CDK13: variants seen among roughly 807,000 people sequenced by gnomAD.
The protein encoded by CDK13 is cyclin dependent kinase 13.
In CDK13, 40 loss-of-function variants were observed where a neutral mutation model predicts 137.6. The ratio of observed to expected loss-of-function variants is 0.29; its 90% CI spans 0.23 to 0.38. CDK13 has a LOEUF of 0.38. Among genes scored for constraint, CDK13 ranks in the 10% least tolerant of loss-of-function variants. CDK13 has a pLI of 1.00. For missense variants in CDK13, 1,704 were observed against 1,951.8 expected (o/e 0.87, Z 2.39); for synonymous variants, 869 against 760.1 (o/e 1.14, Z -2.36).
intron 3 of CDK13, 21 bp downstream of exon 3, chr7:39,997,685 T>C (rs1451734383): frequency 6.3e-7 from 1 of 1,585,916 alleles, no homozygotes; most frequent in South Asian, 1.1e-5. Flanking sequence ...GCTTTCTACC[T>C]GCTCTTAAAT....
At chr7:40,094,024 G>A in intron 13 of CDK13, 106 bp from the exon 14 acceptor site, 12 of 1,319,692 alleles carry the variant, frequency 9.1e-6, no homozygotes, top group Non-Finnish European at 1.2e-5. Flanking sequence ...TGCCAGAGAT[G>A]GAACTTCTAA....
intron 1 of CDK13, among the ~76,000 whole-genome samples, chr7:39,976,495 A>G (rs951291467): frequency 2.6e-5 from 4 of 151,976 alleles, no homozygotes; most frequent in Non-Finnish European, 4.4e-5. Flanking sequence ...TTGGTTGCAC[A>G]TGAGGAGCAA....
chr7:40,046,477 T>G (rs1267096488), intron 6 of CDK13, among the ~76,000 whole-genome samples: 1 of 150,748 alleles, frequency 6.6e-6, no homozygotes, highest in African/African-American at 2.4e-5. Context: ...AAACCCTGTC[T>G]CTACCAAAAA....
intron 1 of CDK13, among the ~76,000 whole-genome samples, chr7:39,962,256 T>G: frequency 6.6e-6 from 1 of 152,192 alleles, no homozygotes; most frequent in Non-Finnish European, 1.5e-5. Flanking sequence ...CCACCAACAG[T>G]GTAAAAGTGT....
At chr7:40,028,012 T>TG (rs1015450867) in intron 5 of CDK13, among the ~76,000 whole-genome samples, 13 of 151,688 alleles carry the variant, frequency 8.6e-5, no homozygotes, top group African/African-American at 3.1e-4. Context: ...CCTTGTTTTT[T>TG]TTTTTTTTTA....
intron 5 of CDK13, among the ~76,000 whole-genome samples, chr7:40,040,426 A>G (rs1374194499): frequency 6.6e-6 from 1 of 152,186 alleles, no homozygotes; most frequent in Admixed American, 6.5e-5. Context: ...AACGATGGAA[A>G]TGTATACTGG....
intron 5 of CDK13, among the ~76,000 whole-genome samples, chr7:40,003,595 G>C (rs1326679176): frequency 6.6e-6 from 1 of 152,128 alleles, no homozygotes; most frequent in Non-Finnish European, 1.5e-5. Context: ...TTCATAGTTA[G>C]AATTAAGACT....
At chr7:40,007,913 G>A (rs1376474103) in intron 5 of CDK13, among the ~76,000 whole-genome samples, 1 of 152,236 alleles carries the variant, frequency 6.6e-6, no homozygotes, top group Non-Finnish European at 1.5e-5. Flanking sequence ...TAGGTGGAAT[G>A]TTAAAGGTGG....
chr7:40,054,369 T>C (rs1196750146), intron 7 of CDK13, among the ~76,000 whole-genome samples: 11 of 152,188 alleles, frequency 7.2e-5, no homozygotes, highest in Admixed American at 7.2e-4. Flanking sequence ...AAAAATATTT[T>C]GATAGCAACA....
Position 39,951,926 on chromosome 7 carries a change from C to G in CDK13, c.1211+74C>G, listed in dbSNP as rs545664788. On this transcript the variant is annotated intron_variant, in intron 1 of 13. Coordinates refer to ENST00000181839, the MANE Select transcript of CDK13 (RefSeq NM_003718.5). ...TCCCCAGGAGGAAGGGAAAGTGGTG[C>G]CCGGGTCCTCAGAACGACTCAGGTC... 1.4e-4 allele frequency: 183 copies of G among 1,304,164 alleles called. No homozygotes were observed. In the African/African-American group the frequency reaches 2.5e-3, roughly 18 times the overall value. The allele number at this position is 1,304,164 out of a possible 1,614,324, so 80.8% of individuals were successfully genotyped here.
chr7:40,038,503 A>G (rs528039760), intron 5 of CDK13, among the ~76,000 whole-genome samples: 1 of 152,296 alleles, frequency 6.6e-6, no homozygotes, highest in Non-Finnish European at 1.5e-5. Context: ...TGGGATTGTT[A>G]AGTCAAAGGG....
chr7:40,099,422 GTTAA>G lies in CDK13; in HGVS notation c.*4445_*4448del, dbSNP rs1787100639. ...AATCACTCTTCTAAGTTTTTTCCCAGTTAATTTGTTTAAAAGTGTTGTACTCTCT... is the reference window on the plus strand; with the variant it reads ...AATCACTCTTCTAAGTTTTTTCCCAGTTTGTTTAAAAGTGTTGTACTCTCT... On this transcript the variant is annotated 3_prime_UTR_variant, in exon 14 of 14. Transcript: ENST00000181839. 1 of 151,982 alleles carries G rather than the reference GTTAA, an allele frequency of 6.6e-6. No individual in the cohort carries two copies. The highest frequency in any genetic ancestry group is 1.5e-5 in the Non-Finnish European group (1 of 67,980). 9.4% of individuals were successfully genotyped at this position (151,982 alleles called of 1,614,324 possible). A position where few individuals can be genotyped will look rare whatever the true frequency, so the allele number is the denominator to read the frequency against.
rs934982744 is a variant in CDK13, at chr7:39,951,520, C to T, written c.879C>T (p.Tyr293=). The stretch of plus-strand genomic sequence containing the variant: ...CGTCCAAGGAGCCGCCTTCGGCCTA[C>T]AAGGAACCGCCCAAGGCCTACCGGG... ...TKSSKEPPSA[Y]KEPPKAYRED... is the part of the protein sequence containing the mutation. Residue 293 remains tyrosine (Y), a synonymous_variant, in exon 1 of 14, where the codon TAC becomes TAT. Coordinates refer to ENST00000181839, the MANE Select transcript of CDK13 (RefSeq NM_003718.5). The T allele has an allele frequency of 2.0e-6, 3 of 1,535,240 alleles. No homozygotes were observed. The highest frequency in any genetic ancestry group is 1.7e-6 in the Non-Finnish European group (2 of 1,143,230).
chr7:40,030,559 C>A (rs1409034585), intron 5 of CDK13, among the ~76,000 whole-genome samples: 1 of 151,316 alleles, frequency 6.6e-6, no homozygotes. Context: ...CACCACCATG[C>A]CTGGCTAATT....
chr7:39,950,891 G>C lies in CDK13; in HGVS notation c.250G>C (p.Gly84Arg). Residue 84 changes from glycine (G) to arginine (R), a missense_variant, in exon 1 of 14, where the codon GGC (glycine) becomes CGC (arginine). Physicochemically the swap from Gly to Arg is moderately radical, Grantham distance 125. This residue lies in a region of CDK13 where 1,051 missense variants were observed against 931.0 expected (regional missense o/e 1.13). Coordinates refer to ENST00000181839, the MANE Select transcript of CDK13 (RefSeq NM_003718.5). ...GGCCTCCTCCTCTTGCTTCAGCCCG[G>C]GCCCCCCTCTGGAGGTCAAGCGGCT... Reference protein sequence around the residue: ...AAASSSCFSPGPPLEVKRLAR... With the variant: ...AAASSSCFSPRPPLEVKRLAR... The C allele has an allele frequency of 7.4e-7, 1 of 1,351,342 alleles. No individual in the cohort carries two copies. The highest frequency in any genetic ancestry group is 9.4e-7 in the Non-Finnish European group (1 of 1,061,912). The allele number at this position is 1,351,342 out of a possible 1,614,324, so 83.7% of individuals were successfully genotyped here.
intron 1 of CDK13, among the ~76,000 whole-genome samples, chr7:39,980,494 T>C (rs1784200841): frequency 6.6e-6 from 1 of 152,224 alleles, no homozygotes; most frequent in South Asian, 2.1e-4. Context: ...TATATAGTGA[T>C]TTTCAGTTTG....
intron 2 of CDK13, among the ~76,000 whole-genome samples, chr7:39,996,071 C>T (rs1784554349): frequency 6.6e-6 from 1 of 152,098 alleles, no homozygotes; most frequent in African/African-American, 2.4e-5. Context: ...TGTTAAAGAA[C>T]CTTCCAGTGA....
At chr7:39,968,186 G>A (rs1783914469) in intron 1 of CDK13, among the ~76,000 whole-genome samples, 1 of 152,170 alleles carries the variant, frequency 6.6e-6, no homozygotes, top group Admixed American at 6.5e-5. Flanking sequence ...TCCACAGGTT[G>A]TCACTTTACT....
In CDK13 at chr7:40,047,817, C is replaced by T. The variant is rs190208683; in HGVS notation, c.2544-4C>T. ...TTTTGTTCATTTTGTCTTATTTCCA[C>T]CAGAGGGCAGATAAAACTTGCAGAC... On this transcript the variant is annotated splice_polypyrimidine_tract_variant and splice_region_variant and intron_variant, in intron 6 of 13. Coordinates refer to ENST00000181839, the MANE Select transcript of CDK13 (RefSeq NM_003718.5). 9.4e-6 allele frequency: 15 copies of T among 1,603,032 alleles called. No homozygotes were observed. The African/African-American group carries it at 1.6e-4, about 17-fold the overall frequency.
Sources: allele counts gnomAD v4.1 joint callset (sites outside exome capture counted in the v4.1 genomes callset), GRCh38; gene constraint gnomAD v4.1.1; regional missense constraint gnomAD v4.1.1; transcripts MANE v1.5; gene names NCBI Gene and HGNC (gene_info 2026-07-23, HGNC 2026-07-21).